HPSE2: variants seen among roughly 807,000 people sequenced by gnomAD.
The protein encoded by HPSE2 is inactive heparanase-2.
A neutral mutation model predicts 60.5 loss-of-function variants in HPSE2; 38 were observed. The ratio of observed to expected loss-of-function variants is 0.63; its 90% CI spans 0.48 to 0.82. The LOEUF is 0.82. Among genes scored for constraint, HPSE2 ranks in the 40% least tolerant of loss-of-function variants. HPSE2 has a pLI of 0.00. For missense variants in HPSE2, 713 were observed against 740.4 expected (o/e 0.96, Z 0.43); for synonymous variants, 295 against 293.2 (o/e 1.01, Z -0.06).
upstream of HPSE2, among the ~76,000 whole-genome samples, chr10:99,240,288 G>T (rs1381184182): frequency 6.6e-6 from 1 of 151,986 alleles, no homozygotes; most frequent in Non-Finnish European, 1.5e-5. Flanking sequence ...ACCAACATGG[G>T]TACTAGGACT....
At chr10:98,959,109 A>G (rs1346269601) in intron 3 of HPSE2, among the ~76,000 whole-genome samples, 4 of 152,130 alleles carry the variant, frequency 2.6e-5, no homozygotes, top group Admixed American at 2.6e-4. Flanking sequence ...TATATTTACT[A>G]TTATTCCAAG....
Position 98,520,596 on chromosome 10 carries a change from C to T in HPSE2, c.1321-30400G>A, listed in dbSNP as rs528468240. On this transcript the variant is annotated intron_variant, in intron 9 of 11. Transcript: ENST00000370552. ...TGGGCTTCGAGGCGCAAAGTAAGAT[C>T]TATCCTTTAAGAAGAAACTGTATAT... Among the ~76,000 whole-genome samples the T allele has an allele frequency of 2.0e-5, 3 of 152,324 alleles. No homozygotes were observed. In the South Asian group the frequency reaches 6.2e-4, roughly 32 times the overall value.
intron 9 of HPSE2, among the ~76,000 whole-genome samples, chr10:98,528,997 C>T (rs912319348): frequency 5.9e-5 from 9 of 152,248 alleles, no homozygotes; most frequent in East Asian, 1.9e-4. Context: ...ACTTATGGTA[C>T]GCCCTGGGCT....
rs200256720 is a variant in HPSE2, at chr10:98,630,198, T to TG, written c.1099-9491_1099-9490insC. 6.7e-3 allele frequency among the ~76,000 whole-genome samples: 1,010 copies of TG among 150,530 alleles called. 8 individuals are homozygous for TG. The highest frequency in any genetic ancestry group is 0.026 in the South Asian group (125 of 4,772). ...CGAAGCAATCGTTTTTTTTTTTGTT[T>TG]TTTTTTTTTTTGTTTTTGAGACAGA... On this transcript the variant is annotated intron_variant, in intron 7 of 11. Transcript: ENST00000370552.
intron 5 of HPSE2, among the ~76,000 whole-genome samples, chr10:98,696,611 A>AG (rs11436426): frequency 0.97 from 147,108 of 152,266 alleles, 71,246 homozygotes; most frequent in East Asian, 1. Flanking sequence ...CCAACCATGG[A>AG]ATGCGTAGAT....
At chr10:99,131,061 C>A (rs1845364222) in intron 3 of HPSE2, among the ~76,000 whole-genome samples, 1 of 152,088 alleles carries the variant, frequency 6.6e-6, no homozygotes. Flanking sequence ...TGTGATGCAT[C>A]ACATAAACAG....
intron 3 of HPSE2, among the ~76,000 whole-genome samples, chr10:98,800,895 T>C (rs1288711013): frequency 6.6e-6 from 1 of 152,160 alleles, no homozygotes; most frequent in Non-Finnish European, 1.5e-5. Flanking sequence ...GATACCCTGA[T>C]AGCTAAACCA....
chr10:98,989,440 G>T (rs1055695345), intron 3 of HPSE2, among the ~76,000 whole-genome samples: 2 of 146,618 alleles, frequency 1.4e-5, no homozygotes, highest in African/African-American at 5.1e-5. Context: ...GGTGGGAATT[G>T]AACAATGAGA....
chr10:98,708,565 T>G (rs1948603299), intron 5 of HPSE2, among the ~76,000 whole-genome samples: 1 of 152,182 alleles, frequency 6.6e-6, no homozygotes, highest in African/African-American at 2.4e-5. Flanking sequence ...TACCTGACTT[T>G]GAGGAAACAC....
intron 3 of HPSE2, among the ~76,000 whole-genome samples, chr10:99,085,371 C>T (rs1165306664): frequency 1.3e-5 from 2 of 152,212 alleles, no homozygotes; most frequent in Non-Finnish European, 2.9e-5. Context: ...TAGTGTGCCA[C>T]GATGGGGCTA....
intron 7 of HPSE2, among the ~76,000 whole-genome samples, chr10:98,638,958 A>G (rs985427677): frequency 1.3e-5 from 2 of 152,232 alleles, no homozygotes; most frequent in Non-Finnish European, 2.9e-5. Context: ...TTTTCCAAAA[A>G]TGACTGCAAA....
chr10:98,884,212 G>T (rs1211533818), intron 3 of HPSE2, among the ~76,000 whole-genome samples: 2 of 152,096 alleles, frequency 1.3e-5, no homozygotes, highest in Non-Finnish European at 2.9e-5. Context: ...TGAAGAAAAA[G>T]TTGGTTCATG....
intron 9 of HPSE2, among the ~76,000 whole-genome samples, chr10:98,515,040 CT>C (rs1477260932): frequency 6.6e-6 from 1 of 152,108 alleles, no homozygotes; most frequent in African/African-American, 2.4e-5. Context: ...ATACTGTTTA[CT>C]TAGGTTCCCT....
intron 2 of HPSE2, among the ~76,000 whole-genome samples, chr10:99,203,048 C>T (rs1269254028): frequency 2.0e-5 from 3 of 152,120 alleles, no homozygotes; most frequent in Non-Finnish European, 4.4e-5. Context: ...TCCAAACCTT[C>T]CCTCATGCCA....
chr10:98,992,661 C>CA (rs1380917733), intron 3 of HPSE2, among the ~76,000 whole-genome samples: 5 of 152,098 alleles, frequency 3.3e-5, no homozygotes, highest in Non-Finnish European at 7.4e-5. Flanking sequence ...AAATTATATA[C>CA]AAAAAATAGC....
intron 9 of HPSE2, among the ~76,000 whole-genome samples, chr10:98,605,027 T>C (rs1237577061): frequency 6.6e-6 from 1 of 152,220 alleles, no homozygotes; most frequent in Admixed American, 6.5e-5. Flanking sequence ...CTCAGGAACA[T>C]GTATTATTTG....
intron 3 of HPSE2, among the ~76,000 whole-genome samples, chr10:98,917,030 C>G (rs1178672589): frequency 6.6e-6 from 1 of 152,072 alleles, no homozygotes; most frequent in Non-Finnish European, 1.5e-5. Context: ...AAATAAAGGC[C>G]TCACATGGGG....
intron 3 of HPSE2, among the ~76,000 whole-genome samples, chr10:98,976,986 T>C (rs1013903000): frequency 2.0e-5 from 3 of 152,278 alleles, no homozygotes; most frequent in South Asian, 2.1e-4. Context: ...AGCCAAGGAA[T>C]GCCTAGAGTC....
chr10:98,999,543 C>G (rs1956729289), intron 3 of HPSE2, among the ~76,000 whole-genome samples: 1 of 152,108 alleles, frequency 6.6e-6, no homozygotes, highest in Non-Finnish European at 1.5e-5. Context: ...TTCCCATGCA[C>G]CATGCTGCTT....
Sources: allele counts gnomAD v4.1 joint callset (sites outside exome capture counted in the v4.1 genomes callset), GRCh38; gene constraint gnomAD v4.1.1; transcripts MANE v1.5; gene names NCBI Gene and HGNC (gene_info 2026-07-23, HGNC 2026-07-21).